Variants in TMEM135 observed in about 807,000 individuals in gnomAD.
TMEM135 encodes the protein peroxisomal membrane protein 52.
In TMEM135, 30 loss-of-function variants were observed where a neutral mutation model predicts 60.3. The ratio of observed to expected loss-of-function variants is 0.50; its 90% CI spans 0.37 to 0.68. The LOEUF (loss-of-function observed/expected upper bound fraction) is 0.68, where lower values mean the gene tolerates loss of function less well. Among genes scored for constraint, TMEM135 ranks in the 30% least tolerant of loss-of-function variants. The pLI is 0.00. For synonymous variants in TMEM135, 190 were observed against 186.7 expected, an observed-to-expected ratio of 1.02 and a Z score of -0.14; for missense variants, 468 against 548.8, an observed-to-expected ratio of 0.85 and a Z score of 1.47.
chr11:87,086,377 G>T (rs768478710), intron 3 of TMEM135, among the ~76,000 whole-genome samples: 13 of 152,120 alleles, frequency 8.5e-5, no homozygotes, highest in Admixed American at 2.0e-4. Flanking sequence ...TACGTGGCCC[G>T]CCTGTGTTAT....
chr11:87,112,518 A>G (rs1484144583), intron 4 of TMEM135, among the ~76,000 whole-genome samples: 1 of 152,090 alleles, frequency 6.6e-6, no homozygotes, highest in Non-Finnish European at 1.5e-5. Flanking sequence ...GAAGCGAAGA[A>G]CGGTGTCTTT....
chr11:87,088,913 C>T (rs1473608781), intron 3 of TMEM135, among the ~76,000 whole-genome samples: 2 of 152,172 alleles, frequency 1.3e-5, no homozygotes, highest in Non-Finnish European at 2.9e-5. Context: ...TATGATTGAG[C>T]ACCAGCATGA....
intron 1 of TMEM135, among the ~76,000 whole-genome samples, chr11:87,062,533 A>G: frequency 6.8e-6 from 1 of 147,464 alleles, no homozygotes; most frequent in African/African-American, 2.5e-5. Context: ...GTGTGATCTC[A>G]GCTCACTGCA....
At chr11:87,263,128 TAAC>T (rs1379227108) in intron 6 of TMEM135, among the ~76,000 whole-genome samples, 1 of 152,218 alleles carries the variant, frequency 6.6e-6, no homozygotes, top group African/African-American at 2.4e-5. Context: ...GACAAGCATG[TAAC>T]AACTAATATG....
At chr11:87,152,500 G>A (rs577790906) in intron 4 of TMEM135, among the ~76,000 whole-genome samples, 28 of 152,190 alleles carry the variant, frequency 1.8e-4, no homozygotes, top group African/African-American at 6.5e-4. Context: ...TGACGCCCAG[G>A]CTGGGCTTGG....
intron 4 of TMEM135, among the ~76,000 whole-genome samples, chr11:87,094,154 A>G (rs1857270852): frequency 6.6e-6 from 1 of 152,084 alleles, no homozygotes; most frequent in Non-Finnish European, 1.5e-5. Flanking sequence ...TGGGTTTTTA[A>G]TTGGTCGTGA....
chr11:87,249,983 G>C (rs1045613304), intron 6 of TMEM135, among the ~76,000 whole-genome samples: 14 of 151,928 alleles, frequency 9.2e-5, no homozygotes, highest in African/African-American at 3.4e-4. Context: ...CTCATCCTTT[G>C]TCTTTGATCT....
intron 4 of TMEM135, among the ~76,000 whole-genome samples, chr11:87,113,042 A>G (rs1337516498): frequency 6.6e-6 from 1 of 152,106 alleles, no homozygotes; most frequent in Non-Finnish European, 1.5e-5. Flanking sequence ...AAGAAATTTA[A>G]GAGATTATAA....
At chr11:87,301,587 C>T (rs1942450268) in intron 7 of TMEM135, among the ~76,000 whole-genome samples, 1 of 151,948 alleles carries the variant, frequency 6.6e-6, no homozygotes, top group African/African-American at 2.4e-5. Context: ...TTATTGATCC[C>T]GTTCTATCTG....
chr11:87,241,925 T>C (rs561265742), intron 6 of TMEM135, among the ~76,000 whole-genome samples: 107 of 152,208 alleles, frequency 7.0e-4, no homozygotes, highest in African/African-American at 2.5e-3. Context: ...TACATATGTA[T>C]ACATGTGCCA....
chr11:87,293,716 T>C (rs1942304990), intron 6 of TMEM135, among the ~76,000 whole-genome samples: 1 of 152,236 alleles, frequency 6.6e-6, no homozygotes, highest in Non-Finnish European at 1.5e-5. Context: ...CTGCAGAGTA[T>C]TCCATGGTGT....
chr11:87,211,434 T>C (rs536111119), intron 5 of TMEM135, among the ~76,000 whole-genome samples: 2 of 152,220 alleles, frequency 1.3e-5, no homozygotes, highest in Non-Finnish European at 2.9e-5. Context: ...GGATAAAAAG[T>C]ATATTGAAGA....
chr11:87,148,246 C>T (rs1485292626), intron 4 of TMEM135, among the ~76,000 whole-genome samples: 1 of 151,976 alleles, frequency 6.6e-6, no homozygotes, highest in Non-Finnish European at 1.5e-5. Flanking sequence ...TATTTTTGAC[C>T]CTTGTTAGTA....
Position 87,130,643 on chromosome 11 carries a change from C to A in TMEM135, c.397-26698C>A, listed in dbSNP as rs1474405960. Among the ~76,000 whole-genome samples, 3 of 151,938 alleles carry A rather than the reference C, an allele frequency of 2.0e-5. No homozygotes were observed. The East Asian group carries it at 5.8e-4, about 29-fold the overall frequency. ...TAGTATGGGATGAGTAGCTGTTAAA[C>A]CTTTTGTAATTTTAATTTCTTCTAA... On this transcript the variant is annotated intron_variant, in intron 4 of 14. Transcript: ENST00000305494.
chr11:87,212,410 A>G (rs1940391580), intron 5 of TMEM135, among the ~76,000 whole-genome samples: 1 of 152,192 alleles, frequency 6.6e-6, no homozygotes, highest in African/African-American at 2.4e-5. Context: ...TATATTAATA[A>G]TTTTAAAGGA....
intron 4 of TMEM135, among the ~76,000 whole-genome samples, chr11:87,133,291 A>G (rs895639725): frequency 5.3e-5 from 8 of 152,184 alleles, no homozygotes; most frequent in African/African-American, 1.9e-4. Context: ...ATACAATTCA[A>G]TACGTTTTGA....
chr11:87,278,935 A>T lies in TMEM135; in HGVS notation c.510-16847A>T, dbSNP rs550567869. 6.9e-4 allele frequency among the ~76,000 whole-genome samples: 105 copies of T among 152,098 alleles called. 1 individual carries two copies. The highest frequency in any genetic ancestry group is 2.4e-3 in the African/African-American group (99 of 41,486). On this transcript the variant is annotated intron_variant, in intron 6 of 14. Coordinates refer to ENST00000305494, the MANE Select transcript of TMEM135 (RefSeq NM_022918.4). ...ATGAAACTTTTTTCTAGAATTTCAC[A>T]CCAGTGGAATCATACAGTATGCACC...
chr11:87,321,589 A>T lies in TMEM135; in HGVS notation c.*256A>T. ...GACTGACATTATATATTATTGATCA[A>T]ATTATGTCCACAAGCAATATTATAT... On this transcript the variant is annotated 3_prime_UTR_variant, in exon 15 of 15. Coordinates refer to ENST00000305494, the MANE Select transcript of TMEM135 (RefSeq NM_022918.4). 1 of 618,152 alleles carries T rather than the reference A, an allele frequency of 1.6e-6. No individual in the cohort carries two copies. Among genetic ancestry groups the T allele is most frequent in the Non-Finnish European group, 3.0e-6 (1 of 334,434 alleles). The allele number at this position is 618,152 out of a possible 1,614,324, so 38.3% of individuals were successfully genotyped here.
chr11:87,305,507 C>G (rs1416040568), intron 8 of TMEM135, among the ~76,000 whole-genome samples: 1 of 152,142 alleles, frequency 6.6e-6, no homozygotes, highest in Non-Finnish European at 1.5e-5. Context: ...GGCACGGTGG[C>G]TCACACCTGT....
Sources: allele counts gnomAD v4.1 joint callset (sites outside exome capture counted in the v4.1 genomes callset), GRCh38; gene constraint gnomAD v4.1.1; transcripts MANE v1.5; gene names NCBI Gene and HGNC (gene_info 2026-07-23, HGNC 2026-07-21).